NINL: variants seen among roughly 807,000 people sequenced by gnomAD.
The protein encoded by NINL is ninein-like protein.
Under a neutral mutation model 160.3 loss-of-function variants are expected in NINL, and 153 were observed. The ratio of observed to expected loss-of-function variants is 0.95; its 90% confidence interval spans 0.84 to 1.09. The LOEUF (loss-of-function observed/expected upper bound fraction) is 1.09, where lower values mean the gene tolerates loss of function less well. Among genes scored for constraint, NINL ranks in the 50% least tolerant of loss-of-function variants. The pLI, the probability that NINL is intolerant of heterozygous loss-of-function variation, is 0.00. For missense variants in NINL, 1,829 were observed against 1,764.0 expected, an observed-to-expected ratio of 1.04 and a Z score of -0.66; for synonymous variants, 800 against 734.8, an observed-to-expected ratio of 1.09 and a Z score of -1.43.
At chr20:25,560,708 G>C (rs1457860185) in intron 1 of NINL, among the ~76,000 whole-genome samples, 1 of 152,034 alleles carries the variant, frequency 6.6e-6, no homozygotes, top group Non-Finnish European at 1.5e-5. Flanking sequence ...TCCTTGCAAG[G>C]TATTCACTGT....
intron 14 of NINL, among the ~76,000 whole-genome samples, chr20:25,480,481 CAT>C (rs1200721515): frequency 6.6e-5 from 10 of 152,298 alleles, no homozygotes; most frequent in Non-Finnish European, 1.3e-4. Context: ...TGGCTCCCCA[CAT>C]GATTCACAGG....
chr20:25,490,371 T>C (rs529784573), intron 11 of NINL, among the ~76,000 whole-genome samples: 1 of 152,022 alleles, frequency 6.6e-6, no homozygotes, highest in African/African-American at 2.4e-5. Flanking sequence ...CCATCCTGGC[T>C]AACATGGTGA....
chr20:25,541,099 GAAC>G (rs952778073), intron 1 of NINL, among the ~76,000 whole-genome samples: 44 of 152,014 alleles, frequency 2.9e-4, no homozygotes, highest in African/African-American at 1.0e-3. Flanking sequence ...AACTGTCCTA[GAAC>G]ACCTTTCTGT....
At chr20:25,534,621 A>T (rs752041671) in intron 1 of NINL, among the ~76,000 whole-genome samples, 2 of 152,228 alleles carry the variant, frequency 1.3e-5, no homozygotes, top group Admixed American at 6.5e-5. Context: ...AAGGTACAGA[A>T]CTAGAGTATT....
intron 1 of NINL, among the ~76,000 whole-genome samples, chr20:25,548,410 G>A (rs2064761080): frequency 6.6e-6 from 1 of 152,186 alleles, no homozygotes; most frequent in East Asian, 1.9e-4. Flanking sequence ...TCTTGGACAG[G>A]GTGTTCTGCA....
chr20:25,581,762 C>A (rs1443892361), intron 1 of NINL, among the ~76,000 whole-genome samples: 2 of 152,220 alleles, frequency 1.3e-5, no homozygotes, highest in Non-Finnish European at 2.9e-5. Flanking sequence ...ACTGTTGGAA[C>A]TTTGCCATTC....
At chr20:25,484,306 G>C (rs994409905) in intron 13 of NINL, among the ~76,000 whole-genome samples, 1 of 152,170 alleles carries the variant, frequency 6.6e-6, no homozygotes, top group Non-Finnish European at 1.5e-5. Context: ...TCTGGAGACC[G>C]ACCAGAAAGA....
chr20:25,469,037 C>T (rs2063011483), intron 18 of NINL, among the ~76,000 whole-genome samples: 1 of 145,556 alleles, frequency 6.9e-6, no homozygotes, highest in Non-Finnish European at 1.5e-5. Flanking sequence ...GTGGGTGCCC[C>T]ACTGCCCTGT....
chr20:25,485,647 T>C (rs926474232), intron 13 of NINL, among the ~76,000 whole-genome samples: 1 of 152,236 alleles, frequency 6.6e-6, no homozygotes, highest in African/African-American at 2.4e-5. Flanking sequence ...ATCAGATAAA[T>C]ACATAATCAC....
At chr20:25,465,404 C>T (rs915982147) in intron 19 of NINL, among the ~76,000 whole-genome samples, 2 of 152,182 alleles carry the variant, frequency 1.3e-5, no homozygotes, top group Admixed American at 6.5e-5. Context: ...AAGCCTCCCC[C>T]GCGGCTCCAG....
In NINL at chr20:25,491,402, G is replaced by A. The variant is rs1391744388; in HGVS notation, c.1434C>T (p.Arg478=). ...QRAALEWDVG[R]LQAEEAGLRE... is the part of the protein sequence containing the mutation. ...GGAGGCCAGCCTCCTCAGCCTGCAG[G>A]CGCCCCACGTCCCACTCCAGCGCGG... Residue 478 remains arginine (R), a synonymous_variant, in exon 11 of 24, where the codon CGC becomes CGT. Transcript: ENST00000278886. The A allele has an allele frequency of 6.2e-7, 1 of 1,612,490 alleles. No homozygotes were observed. Among genetic ancestry groups the A allele is most frequent in the African/African-American group, 1.3e-5 (1 of 74,936 alleles).
At position 25,495,653 on chromosome 20, in the gene NINL, TGAGCTACCCCG is replaced by T. The variant is rs1444626252; in HGVS notation, c.1310+999_1310+1009del. On this transcript the variant is annotated intron_variant, in intron 10 of 23. Transcript: ENST00000278886. ...GACTCAGAGCCAGGAAAGCCTGTCC[TGAGCTACCCCG>T]GAGGACCCTCCAGGCATGCGCAAAC... 2.6e-5 allele frequency among the ~76,000 whole-genome samples: 4 copies of T among 152,166 alleles called. No homozygotes were observed. In the East Asian group the frequency reaches 7.7e-4, roughly 29 times the overall value.
At chr20:25,493,772 A>G (rs907948634) in intron 10 of NINL, among the ~76,000 whole-genome samples, 1 of 151,818 alleles carries the variant, frequency 6.6e-6, no homozygotes, top group African/African-American at 2.4e-5. Context: ...GAGCAGGGAT[A>G]CCGCTTCCTA....
chr20:25,458,387 T>C lies in NINL; in HGVS notation c.3839A>G (p.Gln1280Arg). The stretch of plus-strand genomic sequence containing the variant: ...TCTCGCTGCATCCCCACTTACCCGC[T>C]GTGCATCCAGGCGCCTCCTGGCCTG... ...GEQARRRLDAQREEHEKQLKA... is the reference protein window; with the variant it reads ...GEQARRRLDARREEHEKQLKA... Residue 1280 changes from glutamine to arginine, a missense_variant, in exon 22 of 24, where the codon CAG (glutamine) becomes CGG (arginine). By Grantham distance (43) the Gln-to-Arg change is conservative. Transcript: ENST00000278886. 1 of 1,606,402 alleles carries C rather than the reference T, an allele frequency of 6.2e-7. No homozygotes were observed.
Position 25,453,392 on chromosome 20 carries a change from G to T in NINL, c.*59C>A. ...CTCATGACCCACGGAATCTAAGGCAGCACAGTGGCTTAATTTAAAAGATGT... is the reference window on the plus strand; with the variant it reads ...CTCATGACCCACGGAATCTAAGGCATCACAGTGGCTTAATTTAAAAGATGT... On this transcript the variant is annotated 3_prime_UTR_variant, in exon 24 of 24. Transcript: ENST00000278886. 6.8e-7 allele frequency: 1 copy of T among 1,474,420 alleles called. No homozygotes were observed. Among genetic ancestry groups the T allele is most frequent in the Non-Finnish European group, 9.3e-7 (1 of 1,079,516 alleles). The allele number at this position is 1,474,420 out of a possible 1,614,324, so 91.3% of individuals were successfully genotyped here. A position where few individuals can be genotyped will look rare whatever the true frequency, so the allele number is the denominator to read the frequency against.
At chr20:25,497,001 G>A (rs1462403379) in intron 9 of NINL, among the ~76,000 whole-genome samples, 198 bp from the exon 10 acceptor site, 1 of 152,224 alleles carries the variant, frequency 6.6e-6, no homozygotes, top group Non-Finnish European at 1.5e-5. Flanking sequence ...TACACTGAGA[G>A]AGAGGGGCCA....
intron 5 of NINL, among the ~76,000 whole-genome samples, chr20:25,507,459 T>C (rs945565725): frequency 1.3e-5 from 2 of 152,182 alleles, no homozygotes; most frequent in African/African-American, 4.8e-5. Context: ...AAAGTGTCCA[T>C]GGTGAGTTAT....
chr20:25,522,481 T>C (rs1295668995), intron 2 of NINL, among the ~76,000 whole-genome samples: 2 of 152,234 alleles, frequency 1.3e-5, no homozygotes, highest in East Asian at 3.8e-4. Flanking sequence ...GAATCAATGC[T>C]AGAATGCATA....
intron 13 of NINL, 40 bp from the exon 14 acceptor site, chr20:25,482,140 G>C: frequency 5.7e-6 from 9 of 1,576,300 alleles, no homozygotes; most frequent in Non-Finnish European, 6.9e-6. Context: ...AGCAGCTGCA[G>C]CCATTCAGCC....
Sources: allele counts gnomAD v4.1 joint callset (sites outside exome capture counted in the v4.1 genomes callset), GRCh38; gene constraint gnomAD v4.1.1; transcripts MANE v1.5; gene names NCBI Gene and HGNC (gene_info 2026-07-23, HGNC 2026-07-21).